Variants in CRYBG3 observed in about 807,000 individuals in gnomAD.
The protein encoded by CRYBG3 is crystallin beta-gamma domain containing 3.
In CRYBG3, 127 loss-of-function variants were observed where a neutral mutation model predicts 244.2. The observed-to-expected ratio is 0.52, with a 90% CI of 0.45 to 0.60. CRYBG3 has a LOEUF of 0.60. Ranked by LOEUF, CRYBG3 falls within the 20% of genes least tolerant of loss-of-function variation. The pLI is 0.00. For missense variants in CRYBG3, 3,325 were observed against 3,442.5 expected, an observed-to-expected ratio of 0.97 and a Z score of 0.85; for synonymous variants, 1,132 against 1,195.8, an observed-to-expected ratio of 0.95 and a Z score of 1.10.
At chr3:97,843,165 T>G in intron 1 of CRYBG3, 30 bp from the exon 2 acceptor site, 3 of 1,428,078 alleles carry the variant, frequency 2.1e-6, no homozygotes, top group Non-Finnish European at 1.9e-6. Flanking sequence ...TCTTTTAATT[T>G]CAAAAGAAAC....
At chr3:97,859,446 A>C (rs2039114668) in intron 2 of CRYBG3, among the ~76,000 whole-genome samples, 1 of 152,200 alleles carries the variant, frequency 6.6e-6, no homozygotes, top group South Asian at 2.1e-4. Flanking sequence ...TTAGACCTGC[A>C]AAAAAGTTCA....
rs1435353099 is a variant in CRYBG3 at position 97,935,499 on chromosome 3, T to C, written c.8382-1286T>C. Among the ~76,000 whole-genome samples the C allele has an allele frequency of 3.3e-5, 5 of 152,140 alleles. 1 individual carries two copies. The East Asian group carries it at 9.7e-4, about 30-fold the overall frequency. On this transcript the variant is annotated intron_variant, in intron 18 of 21. Transcript: ENST00000389622. ...GAGCAAGGAGGACTTTTCTTAGTGG[T>C]GGTCAGGTTGAGTCAGTCATCCCTA... is the stretch of plus-strand genomic sequence containing the variant.
At chr3:97,941,622 C>T (rs181209305) in intron 20 of CRYBG3, among the ~76,000 whole-genome samples, 7 of 151,960 alleles carry the variant, frequency 4.6e-5, no homozygotes. Context: ...TAAGATGTTC[C>T]TTACTTGATG....
At chr3:97,901,869 C>G (rs902795485) in intron 15 of CRYBG3, among the ~76,000 whole-genome samples, 25 of 152,146 alleles carry the variant, frequency 1.6e-4, no homozygotes, top group Admixed American at 3.9e-4. Context: ...CCAGTGAAAT[C>G]AGCTCCACTT....
At chr3:97,901,888 T>C (rs1383417964) in intron 15 of CRYBG3, among the ~76,000 whole-genome samples, 3 of 152,192 alleles carry the variant, frequency 2.0e-5, no homozygotes, top group Non-Finnish European at 4.4e-5. Flanking sequence ...TTCATTTTTC[T>C]GGGTATGGCT....
chr3:97,873,262 A>G lies in CRYBG3; in HGVS notation c.2068A>G (p.Ile690Val), dbSNP rs772117338. The change falls in exon 4 of 22, where the codon ATT becomes GTT. Residue 690 changes from isoleucine (I) to valine (V), a missense_variant. Physicochemically the swap from Ile to Val is conservative, Grantham distance 29 (BLOSUM62 3). This residue lies in a region of CRYBG3 where 1,526 missense variants were observed against 1,443.2 expected (regional missense o/e 1.06). Coordinates refer to ENST00000389622, the MANE Select transcript of CRYBG3 (RefSeq NM_153605.4). ...GCCCATTGAAACTGGGAATGTCAACATTGTTGGTATTTCCTATCAGCCTAG... is the reference window on the plus strand; with the variant it reads ...GCCCATTGAAACTGGGAATGTCAACGTTGTTGGTATTTCCTATCAGCCTAG... ...PVPIETGNVN[I>V]VGISYQPRKC... 126 of 1,535,034 alleles carry G rather than the reference A, an allele frequency of 8.2e-5. No individual in the cohort carries two copies. The highest frequency in any genetic ancestry group is 9.9e-5 in the Non-Finnish European group (113 of 1,146,566).
rs139534612 is a variant in CRYBG3, at chr3:97,899,580, A to G, written c.7971+317A>G. Among the ~76,000 whole-genome samples the G allele has an allele frequency of 5.9e-5, 9 of 152,316 alleles. 1 individual carries two copies. Among genetic ancestry groups the G allele is most frequent in the African/African-American group, 2.2e-4 (9 of 41,576 alleles). ...CCTGATGGTTCTGTCTCCCAGGGGA[A>G]ATAGATGTATGGACAATTAATGATA... is the stretch of plus-strand genomic sequence containing the variant. On this transcript the variant is annotated intron_variant, in intron 14 of 21. Coordinates refer to ENST00000389622, the MANE Select transcript of CRYBG3 (RefSeq NM_153605.4).
Position 97,895,940 on chromosome 3 carries a change from G to T in CRYBG3, c.7575-19G>T, listed in dbSNP as rs780580731. 1.9e-6 allele frequency: 3 copies of T among 1,607,186 alleles called. No homozygotes were observed. Among genetic ancestry groups the T allele is most frequent in the Non-Finnish European group, 1.7e-6 (2 of 1,177,334 alleles). On this transcript the variant is annotated intron_variant, in intron 11 of 21. Coordinates refer to ENST00000389622, the MANE Select transcript of CRYBG3 (RefSeq NM_153605.4). ...ACAGTTTTATTAATGGGTCATTTGG[G>T]TGTCCCCTGTATTTCTAGGTGGGTT...
intron 17 of CRYBG3, among the ~76,000 whole-genome samples, chr3:97,929,710 G>A (rs2040077372): frequency 6.6e-6 from 1 of 151,980 alleles, no homozygotes; most frequent in African/African-American, 2.4e-5. Context: ...TTTGGTTAAT[G>A]CTATTGGCTT....
intron 17 of CRYBG3, among the ~76,000 whole-genome samples, chr3:97,921,462 T>A (rs2039983987): frequency 1.7e-5 from 2 of 117,274 alleles, no homozygotes; most frequent in South Asian, 5.7e-4. Context: ...ACTCATTCAT[T>A]CATGCCTAAA....
intron 17 of CRYBG3, among the ~76,000 whole-genome samples, chr3:97,929,684 T>C (rs1575972702): frequency 6.6e-6 from 1 of 152,158 alleles, no homozygotes; most frequent in African/African-American, 2.4e-5. Context: ...CGCTGGTTTA[T>C]TAGCTATGTC....
In CRYBG3 at chr3:97,875,565, G is replaced by C. The variant is rs2039361343; in HGVS notation, c.4371G>C (p.Glu1457Asp). Residue 1457 changes from glutamate (E) to aspartate (D), a missense_variant, in exon 4 of 22, where the codon GAG becomes GAC. Glu to Asp is a conservative substitution (Grantham distance 45, BLOSUM62 2). Coordinates refer to ENST00000389622, the MANE Select transcript of CRYBG3 (RefSeq NM_153605.4). ...ACTGTAATGAGACAATGGAAATAGA[G>C]AATGTGGATAATAACAAAACTGAGA... is the stretch of plus-strand genomic sequence containing the variant. ...SEDCNETMEI[E>D]NVDNNKTETE... is the part of the protein sequence containing the mutation. The C allele has an allele frequency of 8.1e-7, 1 of 1,241,418 alleles. No homozygotes were observed. Among genetic ancestry groups the C allele is most frequent in the African/African-American group, 1.6e-5 (1 of 64,476 alleles). 76.9% of individuals were successfully genotyped at this position (1,241,418 alleles called of 1,614,324 possible). A position where few individuals can be genotyped will look rare whatever the true frequency, so the allele number is the denominator to read the frequency against.
chr3:97,851,000 G>A (rs2038977936), intron 2 of CRYBG3, among the ~76,000 whole-genome samples: 1 of 152,058 alleles, frequency 6.6e-6, no homozygotes, highest in African/African-American at 2.4e-5. Context: ...GGCATGATGG[G>A]CGTGCGCCTG....
Position 97,872,682 on chromosome 3 carries a change from T to G in CRYBG3, c.1488T>G (p.Leu496=), listed in dbSNP as rs2039319585. Reference sequence around the variant, plus strand: ...CCACTCACACCAATATCATTGCTCTTCAGAGACATGCTGTGACAGACACAG... The same window carrying G: ...CCACTCACACCAATATCATTGCTCTGCAGAGACATGCTGTGACAGACACAG... ...QAATHTNIIA[L]QRHAVTDTEF... is the part of the protein sequence containing the mutation. Residue 496 remains leucine, a synonymous_variant, in exon 4 of 22, where the codon CTT becomes CTG. Transcript: ENST00000389622. 2.0e-6 allele frequency: 3 copies of G among 1,535,924 alleles called. No individual in the cohort carries two copies. In the South Asian group the frequency reaches 3.6e-5, roughly 18 times the overall value.
chr3:97,871,843 C>A lies in CRYBG3; in HGVS notation c.649C>A (p.Gln217Lys), dbSNP rs2108212578. The change falls in exon 4 of 22, where the codon CAA (glutamine) becomes AAA (lysine). Residue 217 changes from glutamine (Q) to lysine (K), a missense_variant and splice_region_variant. By Grantham distance (53) the Gln-to-Lys change is moderately conservative (BLOSUM62 1). Transcript: ENST00000389622. ...TACTCTCATGCTTTCTTTTTACAGA[C>A]AAATCGATGGTAAACCAGAGAAGCC... The part of the protein sequence containing the change: ...SDQETTNLLK[Q>K]IDGKPEKPSV... 3 of 1,483,602 alleles carry A rather than the reference C, an allele frequency of 2.0e-6. No individual in the cohort carries two copies. Among genetic ancestry groups the A allele is most frequent in the African/African-American group, 1.4e-5 (1 of 70,642 alleles). 91.9% of individuals were successfully genotyped at this position (1,483,602 alleles called of 1,614,324 possible). A position where few individuals can be genotyped will look rare whatever the true frequency, so the allele number is the denominator to read the frequency against.
intron 1 of CRYBG3, among the ~76,000 whole-genome samples, chr3:97,824,717 C>T (rs2038556167): frequency 6.6e-6 from 1 of 152,188 alleles, no homozygotes; most frequent in South Asian, 2.1e-4. Flanking sequence ...CGTAGGCACT[C>T]AAATTGCTTG....
At chr3:97,860,969 A>C (rs2039138298) in intron 2 of CRYBG3, among the ~76,000 whole-genome samples, 1 of 152,114 alleles carries the variant, frequency 6.6e-6, no homozygotes, top group South Asian at 2.1e-4. Context: ...ACAACTAAAT[A>C]GTTCATTGCC....
At chr3:97,919,053 C>T (rs2039956774) in intron 17 of CRYBG3, among the ~76,000 whole-genome samples, 1 of 152,118 alleles carries the variant, frequency 6.6e-6, no homozygotes, top group Admixed American at 6.6e-5. Context: ...GATGTATAAA[C>T]TCATAGAGGT....
chr3:97,874,189 G>A lies in CRYBG3; in HGVS notation c.2995G>A (p.Glu999Lys), dbSNP rs1232650485. The A allele has an allele frequency of 4.6e-6, 7 of 1,529,856 alleles. No homozygotes were observed. Among genetic ancestry groups the A allele is most frequent in the Non-Finnish European group, 6.1e-6 (7 of 1,145,418 alleles). 94.8% of individuals were successfully genotyped at this position (1,529,856 alleles called of 1,614,324 possible). A position where few individuals can be genotyped will look rare whatever the true frequency, so the allele number is the denominator to read the frequency against. Residue 999 changes from glutamate (E) to lysine (K), a missense_variant, in exon 4 of 22, where the codon GAA becomes AAA. Glu to Lys is a moderately conservative substitution (Grantham distance 56, BLOSUM62 1). This residue lies in a region of CRYBG3 where 1,526 missense variants were observed against 1,443.2 expected (regional missense o/e 1.06). Transcript: ENST00000389622. ...SLTNISPKFQ[E>K]TGSMKVNSPF... ...AACTAATATTTCCCCTAAATTCCAA[G>A]AAACTGGCAGCATGAAAGTAAATTC...
Sources: allele counts gnomAD v4.1 joint callset (sites outside exome capture counted in the v4.1 genomes callset), GRCh38; gene constraint gnomAD v4.1.1; regional missense constraint gnomAD v4.1.1; transcripts MANE v1.5; gene names NCBI Gene and HGNC (gene_info 2026-07-23, HGNC 2026-07-21).